Variants in ROBO1 observed in about 807,000 individuals in gnomAD.
ROBO1 encodes roundabout homolog 1.
In ROBO1, 149 loss-of-function variants were observed where a neutral mutation model predicts 195.9. The ratio of observed to expected loss-of-function variants is 0.76; its 90% confidence interval spans 0.67 to 0.87. ROBO1 has a LOEUF of 0.87. Among genes scored for constraint, ROBO1 ranks in the 40% least tolerant of loss-of-function variants. The pLI, the probability that ROBO1 is intolerant of heterozygous loss-of-function variation, is 0.00. For synonymous variants in ROBO1, 816 were observed against 733.2 expected (o/e 1.11, Z -1.82); for missense variants, 1,933 against 2,068.3 (o/e 0.93, Z 1.27).
chr3:78,617,245 T>C (rs1046706886), intron 27 of ROBO1, among the ~76,000 whole-genome samples: 1 of 152,076 alleles, frequency 6.6e-6, no homozygotes. Flanking sequence ...TTTGGTGAGG[T>C]TCTACACAAA....
chr3:78,988,452 TTGTGGTC>T (rs1418991768), intron 3 of ROBO1, among the ~76,000 whole-genome samples: 1 of 152,170 alleles, frequency 6.6e-6, no homozygotes, highest in Non-Finnish European at 1.5e-5. Context: ...TCTATTATTT[TTGTGGTC>T]TAACATTTCC....
rs1703989456 is a variant in ROBO1, at chr3:78,614,503, G to A, written c.4435+145C>T. The stretch of plus-strand genomic sequence containing the variant: ...AGATGCTTGACAAAATATGTAAGTA[G>A]GTCGCTTCTATAAGTAATATGAAGC... On this transcript the variant is annotated intron_variant, in intron 28 of 30. Transcript: ENST00000464233. 3 of 814,800 alleles carry A rather than the reference G, an allele frequency of 3.7e-6. No homozygotes were observed. In the South Asian group the frequency reaches 8.4e-5, roughly 23 times the overall value. 50.5% of individuals were successfully genotyped at this position (814,800 alleles called of 1,614,324 possible).
chr3:78,649,490 G>A (rs895532520), intron 19 of ROBO1, among the ~76,000 whole-genome samples: 3 of 152,128 alleles, frequency 2.0e-5, no homozygotes, highest in Non-Finnish European at 2.9e-5. Context: ...AGGGGGAAAT[G>A]TTAAATATGC....
chr3:78,967,410 T>C (rs2076671508), intron 3 of ROBO1, among the ~76,000 whole-genome samples: 1 of 145,630 alleles, frequency 6.9e-6, no homozygotes, highest in South Asian at 2.3e-4. Flanking sequence ...CCAAGCCTAG[T>C]TCCTGTAACT....
intron 10 of ROBO1, among the ~76,000 whole-genome samples, chr3:78,676,977 T>C (rs1708475667): frequency 6.6e-6 from 1 of 152,142 alleles, no homozygotes; most frequent in Non-Finnish European, 1.5e-5. Context: ...AGCGGATCTC[T>C]CGGCAGAAAC....
intron 3 of ROBO1, among the ~76,000 whole-genome samples, chr3:79,096,189 A>G (rs2079562555): frequency 2.0e-5 from 3 of 151,936 alleles, no homozygotes; most frequent in African/African-American, 7.2e-5. Flanking sequence ...TCAAGCAGCA[A>G]TGTAGAAGAT....
chr3:79,642,619 T>C (rs1316258335), intron 1 of ROBO1, among the ~76,000 whole-genome samples: 1 of 152,074 alleles, frequency 6.6e-6, no homozygotes, highest in Non-Finnish European at 1.5e-5. Flanking sequence ...TGAGATGGCT[T>C]TTTCAAAGTA....
chr3:78,874,195 G>C (rs2035708388), intron 4 of ROBO1, among the ~76,000 whole-genome samples: 1 of 151,846 alleles, frequency 6.6e-6, no homozygotes, highest in South Asian at 2.1e-4. Context: ...ATTTTAGCCA[G>C]TGCAAATATA....
intron 2 of ROBO1, among the ~76,000 whole-genome samples, chr3:79,152,757 C>G (rs181157205): frequency 2.6e-5 from 4 of 151,734 alleles, no homozygotes; most frequent in African/African-American, 9.6e-5. Flanking sequence ...AAACAAGACA[C>G]ACAATCATGC....
intron 2 of ROBO1, among the ~76,000 whole-genome samples, chr3:79,427,167 G>GT (rs1477200055): frequency 2.6e-5 from 4 of 152,028 alleles, no homozygotes; most frequent in African/African-American, 9.7e-5. Flanking sequence ...CTTCACATCA[G>GT]TTTATAGAGA....
At chr3:78,852,925 G>A (rs1308526956) in intron 4 of ROBO1, among the ~76,000 whole-genome samples, 6 of 152,098 alleles carry the variant, frequency 3.9e-5, no homozygotes, top group Admixed American at 3.9e-4. Context: ...CCACTGAATG[G>A]GAATAGAATG....
intron 2 of ROBO1, among the ~76,000 whole-genome samples, chr3:79,581,219 G>T (rs1289660306): frequency 6.6e-6 from 1 of 152,028 alleles, no homozygotes; most frequent in African/African-American, 2.4e-5. Context: ...GCCTCCATCA[G>T]TCATCATCTA....
At chr3:78,725,976 T>C (rs1289938918) in intron 5 of ROBO1, among the ~76,000 whole-genome samples, 1 of 151,796 alleles carries the variant, frequency 6.6e-6, no homozygotes, top group Non-Finnish European at 1.5e-5. Context: ...ATGTTATCCA[T>C]ACACCTCTAG....
At chr3:79,225,431 AT>A (rs1336702894) in intron 2 of ROBO1, among the ~76,000 whole-genome samples, 3 of 152,276 alleles carry the variant, frequency 2.0e-5, no homozygotes, top group Non-Finnish European at 2.9e-5. Context: ...CAGTCCTATA[AT>A]TCTCCCCACT....
chr3:78,746,432 C>T (rs1181954036), intron 5 of ROBO1, among the ~76,000 whole-genome samples: 1 of 152,030 alleles, frequency 6.6e-6, no homozygotes, highest in Non-Finnish European at 1.5e-5. Flanking sequence ...TTTACTATAA[C>T]ACATGGAAAT....
chr3:78,953,448 T>C (rs1560042707), intron 3 of ROBO1, among the ~76,000 whole-genome samples: 1 of 152,100 alleles, frequency 6.6e-6, no homozygotes, highest in Admixed American at 6.6e-5. Context: ...TACCTGTATA[T>C]TATTCCTATA....
At chr3:79,650,639 G>A (rs577346432) in intron 1 of ROBO1, among the ~76,000 whole-genome samples, 72 of 151,674 alleles carry the variant, frequency 4.7e-4, no homozygotes, top group African/African-American at 1.7e-3. Context: ...ATAAGAAAAT[G>A]AGTAAATTCT....
At chr3:79,099,945 G>A (rs2079645454) in intron 3 of ROBO1, among the ~76,000 whole-genome samples, 1 of 151,760 alleles carries the variant, frequency 6.6e-6, no homozygotes, top group African/African-American at 2.4e-5. Flanking sequence ...CAGTAAATTT[G>A]ACAGCAGGTG....
intron 4 of ROBO1, among the ~76,000 whole-genome samples, chr3:78,855,169 T>G (rs1316647593): frequency 6.6e-6 from 1 of 152,064 alleles, no homozygotes; most frequent in East Asian, 1.9e-4. Context: ...CACTAAACAC[T>G]TGAATGGTAC....
Sources: allele counts gnomAD v4.1 joint callset (sites outside exome capture counted in the v4.1 genomes callset), GRCh38; gene constraint gnomAD v4.1.1; transcripts MANE v1.5; gene names NCBI Gene and HGNC (gene_info 2026-07-23, HGNC 2026-07-21).